Variants in OPRM1 observed in about 807,000 individuals in gnomAD.
OPRM1 encodes mu-type opioid receptor.
Under a neutral mutation model 31.8 loss-of-function variants are expected in OPRM1, and 27 were observed. The observed-to-expected ratio is 0.85, with a 90% confidence interval of 0.63 to 1.17. The LOEUF (loss-of-function observed/expected upper bound fraction) is 1.17, where lower values mean the gene tolerates loss of function less well. Among genes scored for constraint, OPRM1 ranks in the 50% most tolerant of loss-of-function variants. The probability of loss-of-function intolerance (pLI) is 0.00; values close to 1 mark genes in which losing one functional copy is unlikely to be tolerated. For synonymous variants in OPRM1, 196 were observed against 189.9 expected (o/e 1.03, Z -0.26); for missense variants, 536 against 511.1 (o/e 1.05, Z -0.47).
At chr6:154,191,699 A>G (rs991007207) in intron 3 of OPRM1, among the ~76,000 whole-genome samples, 1 of 144,088 alleles carries the variant, frequency 6.9e-6, no homozygotes, top group Admixed American at 6.9e-5. Flanking sequence ...AACAACAACA[A>G]CAACAACAAC....
At chr6:154,101,591 G>A (rs1583552143) in intron 3 of OPRM1, among the ~76,000 whole-genome samples, 1 of 152,154 alleles carries the variant, frequency 6.6e-6, no homozygotes, top group East Asian at 1.9e-4. Flanking sequence ...AACTGGATAT[G>A]TCAAGCAGAT....
chr6:154,107,772 G>A (rs1583579295), intron 3 of OPRM1: 1 of 718,430 alleles, frequency 1.4e-6, no homozygotes, highest in East Asian at 2.7e-5. Context: ...GTTTGTTGCT[G>A]ACCAACTTGC....
rs754614875 is a variant in OPRM1, at chr6:154,039,486, G to A, written c.-59G>A. The A allele has an allele frequency of 1.3e-6, 2 of 1,563,322 alleles. No homozygotes were observed. The highest frequency in any genetic ancestry group is 2.4e-5 in the East Asian group (1 of 41,908). On this transcript the variant is annotated 5_prime_UTR_variant, in exon 1 of 4. Transcript: ENST00000330432. ...GAAGCGGCTGAGGCGCTTGGAACCC[G>A]AAAAGTCTCGGTGCTCCTGGCTACC...
At chr6:154,150,824 T>G (rs1562509627) in intron 3 of OPRM1, among the ~76,000 whole-genome samples, 1 of 149,942 alleles carries the variant, frequency 6.7e-6, no homozygotes, top group Admixed American at 6.6e-5. Context: ...TCTTTCTGCC[T>G]TCGGACCACA....
chr6:154,107,356 A>G lies in OPRM1; in HGVS notation c.1165-11327A>G, dbSNP rs987420789. 3 of 637,984 alleles carry G rather than the reference A, an allele frequency of 4.7e-6. No individual in the cohort carries two copies. In the African/African-American group the frequency reaches 5.5e-5, roughly 12 times the overall value. The allele number at this position is 637,984 out of a possible 1,614,324, so 39.5% of individuals were successfully genotyped here. A position where few individuals can be genotyped will look rare whatever the true frequency, so the allele number is the denominator to read the frequency against. ...ATTTCTGGCTTTTGAACTTCACCAA[A>G]GGCAACCTCCTTGGTGCTTAGAGAA... On this transcript the variant is annotated intron_variant, in intron 3 of 3. Transcript: ENST00000330432.
intron 3 of OPRM1, among the ~76,000 whole-genome samples, chr6:154,225,210 T>G (rs1347717167): frequency 6.6e-6 from 1 of 152,168 alleles, no homozygotes; most frequent in Non-Finnish European, 1.5e-5. Context: ...GCTCAAAAAC[T>G]TTCAGATTTT....
At chr6:154,147,065 G>A (rs1407509150) in intron 3 of OPRM1, among the ~76,000 whole-genome samples, 1 of 152,216 alleles carries the variant, frequency 6.6e-6, no homozygotes, top group Non-Finnish European at 1.5e-5. Context: ...GTCACTGGCT[G>A]CTGAGGGAGA....
intron 1 of OPRM1, among the ~76,000 whole-genome samples, chr6:154,086,013 A>T (rs1790470525): frequency 6.7e-6 from 1 of 150,362 alleles, no homozygotes; most frequent in South Asian, 2.1e-4. Context: ...ACCCCCAGCT[A>T]ATTTTTCTAA....
intron 3 of OPRM1, among the ~76,000 whole-genome samples, chr6:154,201,279 G>A (rs1245439907): frequency 6.6e-6 from 1 of 152,134 alleles, no homozygotes; most frequent in Admixed American, 6.6e-5. Context: ...TTTATTCTGA[G>A]ATTTTTATCT....
chr6:154,189,918 TG>T (rs1363038432), intron 3 of OPRM1, among the ~76,000 whole-genome samples: 1 of 151,314 alleles, frequency 6.6e-6, no homozygotes, highest in Non-Finnish European at 1.5e-5. Context: ...CACTCCAGCC[TG>T]GGCGACAGAG....
At chr6:154,132,519 C>T (rs1323215813), downstream of OPRM1, among the ~76,000 whole-genome samples, 4 of 152,150 alleles carry the variant, frequency 2.6e-5, no homozygotes, top group Admixed American at 6.5e-5. Flanking sequence ...AACTTTCTCT[C>T]TTCATGAATT....
At chr6:154,118,082 C>G (rs1003209531) in intron 3 of OPRM1, among the ~76,000 whole-genome samples, 3 of 151,998 alleles carry the variant, frequency 2.0e-5, no homozygotes, top group Non-Finnish European at 1.5e-5. Context: ...ATTCTGTTTC[C>G]ACAGTCCTCT....
chr6:154,024,660 T>A (rs1206065903), intron 1 of OPRM1, among the ~76,000 whole-genome samples: 1 of 151,622 alleles, frequency 6.6e-6, no homozygotes, highest in African/African-American at 2.4e-5. Flanking sequence ...TTTTTTTTTT[T>A]AATGTAGGCA....
intron 3 of OPRM1, chr6:154,158,060 T>C (rs1273669914): frequency 2.6e-5 from 4 of 152,276 alleles, no homozygotes; most frequent in African/African-American, 9.6e-5. Context: ...TTGTTTTTTG[T>C]TTTTATTTCT....
chr6:154,084,626 G>C (rs1790060571), intron 1 of OPRM1, among the ~76,000 whole-genome samples: 1 of 152,092 alleles, frequency 6.6e-6, no homozygotes, highest in Non-Finnish European at 1.5e-5. Context: ...ACTCTAGGGA[G>C]GATTTTTTTC....
chr6:154,083,943 CAA>C (rs57976654), intron 1 of OPRM1, among the ~76,000 whole-genome samples: 11 of 35,164 alleles, frequency 3.1e-4, no homozygotes, highest in East Asian at 2.1e-3. Context: ...GACTCCGTCT[CAA>C]AAAAAAAAAA....
intron 3 of OPRM1, among the ~76,000 whole-genome samples, chr6:154,112,610 A>G (rs1366571288): frequency 1.3e-5 from 2 of 152,230 alleles, no homozygotes; most frequent in East Asian, 3.8e-4. Context: ...TTAATTGACT[A>G]TGACTAGCTG....
Position 154,125,492 on chromosome 6 carries a change from A to C in OPRM1, c.*6771A>C, listed in dbSNP as rs1797536590. On this transcript the variant is annotated 3_prime_UTR_variant, in exon 4 of 4. Coordinates refer to ENST00000330432, the MANE Select transcript of OPRM1 (RefSeq NM_000914.5). ...ATAAGTATACTCATAAAGAAAAATAAGTATTTGTTTTAGGTTTTAGAGAGA... is the reference window on the plus strand; with the variant it reads ...ATAAGTATACTCATAAAGAAAAATACGTATTTGTTTTAGGTTTTAGAGAGA... 6.6e-6 allele frequency among the ~76,000 whole-genome samples: 1 copy of C among 152,208 alleles called. No individual in the cohort carries two copies. The highest frequency in any genetic ancestry group is 2.4e-5 in the African/African-American group (1 of 41,444).
chr6:154,239,774 G>T lies in OPRM1; in HGVS notation c.1165-6919G>T, dbSNP rs147891923. Among the ~76,000 whole-genome samples, 890 of 152,320 alleles carry T rather than the reference G, an allele frequency of 5.8e-3. 4 individuals are homozygous for T. The highest frequency in any genetic ancestry group is 0.01 in the Non-Finnish European group (690 of 68,034). On this transcript the variant is annotated intron_variant, in intron 3 of 3. Coordinates refer to the OPRM1 transcript ENST00000337049. ...GCTGGAGTGCAGTGATGTGATCTCG[G>T]CTAACTGCAACCTCCGCCTCCCATG... is the stretch of plus-strand genomic sequence containing the variant.
Sources: gnomAD v4.1 joint callset for allele counts (sites outside exome capture counted in the v4.1 genomes callset) on GRCh38, gnomAD v4.1.1 for gene constraint, MANE v1.5 for transcripts, NCBI Gene and HGNC (gene_info 2026-07-23, HGNC 2026-07-21) for gene names.